The following PTPRD variants were observed in gnomAD, a reference collection of about 807,000 sequenced individuals.
PTPRD encodes the protein protein tyrosine phosphatase receptor type D, also known as receptor-type tyrosine-protein phosphatase delta.
PTPRD carries 34 observed loss-of-function variants against 214.5 expected under a neutral mutation model. The ratio of observed to expected loss-of-function variants is 0.16; its 90% CI spans 0.12 to 0.21. The LOEUF is 0.21. PTPRD is among the 10% of genes least tolerant of loss of function. The pLI is 1.00. For missense variants in PTPRD, 2,545 were observed against 2,398.7 expected (o/e 1.06, Z -1.27); for synonymous variants, 1,128 against 845.7 (o/e 1.33, Z -5.79).
chr9:8,318,009 A>C lies in PTPRD; in HGVS notation c.5671-67T>G, dbSNP rs931133943. The C allele has an allele frequency of 2.1e-5, 31 of 1,472,558 alleles. 1 individual carries two copies. The highest frequency in any genetic ancestry group is 5.7e-5 in the South Asian group (5 of 87,808). 91.2% of individuals were successfully genotyped at this position (1,472,558 alleles called of 1,614,324 possible). On this transcript the variant is annotated intron_variant, in intron 45 of 45. Transcript: ENST00000381196. ...ATGAGCATATTTTAATAGAAAAATA[A>C]AAATCAATATTGCATAACAAAATAA...
chr9:9,349,991 T>C (rs1484172641), intron 9 of PTPRD, among the ~76,000 whole-genome samples: 1 of 152,080 alleles, frequency 6.6e-6, no homozygotes, highest in Non-Finnish European at 1.5e-5. Flanking sequence ...GATGTAACCT[T>C]GGTCCTTGAA....
chr9:10,340,784 G>T (rs1245240967), intron 3 of PTPRD, among the ~76,000 whole-genome samples, 179 bp downstream of exon 3: 2 of 151,902 alleles, frequency 1.3e-5, no homozygotes, highest in East Asian at 3.9e-4. Flanking sequence ...TCTCCAAAGT[G>T]TATAGCAAGA....
chr9:9,502,820 T>C (rs1364790764), intron 8 of PTPRD, among the ~76,000 whole-genome samples: 2 of 151,930 alleles, frequency 1.3e-5, no homozygotes, highest in Admixed American at 6.6e-5. Context: ...AGAAGCTACA[T>C]GCAAAAGAAT....
At chr9:8,557,128 G>T (rs976804465) in intron 14 of PTPRD, among the ~76,000 whole-genome samples, 2 of 152,098 alleles carry the variant, frequency 1.3e-5, no homozygotes, top group African/African-American at 4.8e-5. Flanking sequence ...AAGGGAGGCA[G>T]ACAGAGTGAT....
chr9:9,084,807 TCTC>T (rs1230796441), intron 10 of PTPRD, among the ~76,000 whole-genome samples: 1 of 152,128 alleles, frequency 6.6e-6, no homozygotes, highest in Non-Finnish European at 1.5e-5. Context: ...TGTTTTGATC[TCTC>T]ATCAAAAGAG....
chr9:8,618,918 T>G (rs1333049695), intron 14 of PTPRD, among the ~76,000 whole-genome samples: 2 of 129,308 alleles, frequency 1.5e-5, no homozygotes, highest in South Asian at 2.4e-4. Flanking sequence ...TTTTTTGTTT[T>G]TTTTTTTTTT....
At chr9:10,467,114 T>C (rs2099000049) in intron 2 of PTPRD, among the ~76,000 whole-genome samples, 1 of 152,198 alleles carries the variant, frequency 6.6e-6, no homozygotes, top group Non-Finnish European at 1.5e-5. Flanking sequence ...TGAAGTGTGC[T>C]ATGACCAAGC....
At chr9:8,936,151 C>T (rs2098995363) in intron 11 of PTPRD, 2 of 152,214 alleles carry the variant, frequency 1.3e-5, no homozygotes, top group South Asian at 2.1e-4. Flanking sequence ...TGGCTCATGC[C>T]TGTAATCCCA....
At chr9:9,882,616 A>G (rs186319020) in intron 5 of PTPRD, among the ~76,000 whole-genome samples, 1 of 152,206 alleles carries the variant, frequency 6.6e-6, no homozygotes, top group East Asian at 1.9e-4. Flanking sequence ...AGAATTATCT[A>G]TAAGCCCACT....
At chr9:10,612,654 T>C (rs2081324695) in intron 1 of PTPRD, 34 bp downstream of exon 1, 1 of 152,212 alleles carries the variant, frequency 6.6e-6, no homozygotes, top group Non-Finnish European at 1.5e-5. Context: ...GAAAGCCGGC[T>C]TGGGTCCTGC....
chr9:10,448,597 A>G (rs1419826132), intron 2 of PTPRD, among the ~76,000 whole-genome samples: 1 of 152,032 alleles, frequency 6.6e-6, no homozygotes, highest in Non-Finnish European at 1.5e-5. Context: ...CTTTACATGT[A>G]TGATTTGTAT....
intron 35 of PTPRD, among the ~76,000 whole-genome samples, chr9:8,430,379 T>C (rs932149004): frequency 2.6e-5 from 4 of 151,640 alleles, no homozygotes; most frequent in African/African-American, 9.7e-5. Context: ...CAGGTGATCC[T>C]CCCACCTCAG....
chr9:9,436,210 AG>A (rs1299157176), intron 8 of PTPRD, among the ~76,000 whole-genome samples: 1 of 152,170 alleles, frequency 6.6e-6, no homozygotes, highest in Non-Finnish European at 1.5e-5. Flanking sequence ...TCTTTAAAAA[AG>A]TATCTGCATG....
chr9:8,737,976 AG>A (rs1361106360), intron 11 of PTPRD, among the ~76,000 whole-genome samples: 1 of 152,166 alleles, frequency 6.6e-6, no homozygotes, highest in East Asian at 1.9e-4. Flanking sequence ...AGGGACATGC[AG>A]ATAGAACTCA....
At chr9:10,052,524 C>A (rs1463140279) in intron 3 of PTPRD, among the ~76,000 whole-genome samples, 1 of 152,088 alleles carries the variant, frequency 6.6e-6, no homozygotes, top group East Asian at 1.9e-4. Context: ...TTATGGAGCA[C>A]CTATTATATT....
intron 8 of PTPRD, among the ~76,000 whole-genome samples, chr9:9,523,162 C>A (rs933898794): frequency 1.3e-5 from 2 of 151,924 alleles, no homozygotes; most frequent in Non-Finnish European, 2.9e-5. Flanking sequence ...TAAAAAAATG[C>A]TTTTTTATTT....
At chr9:10,065,180 A>AAAGAAAGAAAGAAAGAAAGGAAGG (rs147434150) in intron 3 of PTPRD, among the ~76,000 whole-genome samples, 1 of 150,196 alleles carries the variant, frequency 6.7e-6, no homozygotes, top group African/African-American at 2.4e-5. Flanking sequence ...AGAAAGAAAG[A>AAAGAAAGAAAGAAAGAAAGGAAGG]AAGAAAGAAA....
At chr9:10,340,715 G>A (rs187654405) in intron 3 of PTPRD, among the ~76,000 whole-genome samples, 229 of 151,944 alleles carry the variant, frequency 1.5e-3, no homozygotes, top group South Asian at 0.011. Flanking sequence ...GTCCTCAAAT[G>A]GATGCCAACA....
chr9:8,729,267 T>C (rs1468002846), intron 12 of PTPRD, among the ~76,000 whole-genome samples: 1 of 152,200 alleles, frequency 6.6e-6, no homozygotes. Context: ...TTAACCACTT[T>C]AGACTAAAGT....
Sources: allele counts gnomAD v4.1 joint callset (sites outside exome capture counted in the v4.1 genomes callset), GRCh38; gene constraint gnomAD v4.1.1; transcripts MANE v1.5; gene names NCBI Gene and HGNC (gene_info 2026-07-23, HGNC 2026-07-21).